Variants in RABGAP1L observed in about 807,000 individuals in gnomAD.
The protein encoded by RABGAP1L is RAB GTPase activating protein 1 like.
Under a neutral mutation model 137.7 loss-of-function variants are expected in RABGAP1L, and 63 were observed. The observed-to-expected ratio is 0.46, with a 90% confidence interval of 0.37 to 0.56. The LOEUF is 0.56. Among genes scored for constraint, RABGAP1L ranks in the 20% least tolerant of loss-of-function variants. The pLI is 0.00. For synonymous variants in RABGAP1L, 431 were observed against 433.7 expected (o/e 0.99, Z 0.08); for missense variants, 1,095 against 1,244.0 (o/e 0.88, Z 1.80).
chr1:174,882,186 T>A (rs895475531), intron 19 of RABGAP1L, among the ~76,000 whole-genome samples: 1 of 152,228 alleles, frequency 6.6e-6, no homozygotes, highest in African/African-American at 2.4e-5. Flanking sequence ...TGCTAACTTA[T>A]AAAATCCTCC....
At chr1:174,446,111 G>A (rs1280505898) in intron 13 of RABGAP1L, among the ~76,000 whole-genome samples, 1 of 152,146 alleles carries the variant, frequency 6.6e-6, no homozygotes, top group East Asian at 1.9e-4. Context: ...GTAGGGCTTG[G>A]GCTCAGGTGG....
At position 174,443,733 on chromosome 1, in the gene RABGAP1L, T is replaced by C. The variant is rs186079295; in HGVS notation, c.1710+49588T>C. ...TGTTTTGTTGCCTGTGCTTTTGAGG[T>C]CTTACTCAAGTAGTCTTTGCCAAAA... On this transcript the variant is annotated intron_variant, in intron 13 of 25. Transcript: ENST00000681986. Among the ~76,000 whole-genome samples the C allele has an allele frequency of 3.3e-5, 5 of 152,192 alleles. No individual in the cohort carries two copies. The East Asian group carries it at 9.7e-4, about 29-fold the overall frequency.
intron 19 of RABGAP1L, among the ~76,000 whole-genome samples, chr1:174,925,354 CAAAAAAA>C (rs545791515): frequency 7.3e-5 from 4 of 54,774 alleles, no homozygotes; most frequent in East Asian, 1.6e-3. Context: ...GACTCCGTCT[CAAAAAAA>C]AAAAAAAAAA....
intron 18 of RABGAP1L, among the ~76,000 whole-genome samples, chr1:174,790,766 A>AGTGTGT (rs113486055): frequency 2.9e-5 from 4 of 137,172 alleles, no homozygotes; most frequent in Non-Finnish European, 6.3e-5. Flanking sequence ...TGAAGCCATG[A>AGTGTGT]GTGTGTGTGT....
At chr1:174,296,610 T>C (rs1677148919) in intron 10 of RABGAP1L, among the ~76,000 whole-genome samples, 1 of 152,234 alleles carries the variant, frequency 6.6e-6, no homozygotes, top group Non-Finnish European at 1.5e-5. Context: ...TTGTAATTTA[T>C]TGAAGGTATT....
intron 11 of RABGAP1L, among the ~76,000 whole-genome samples, chr1:174,352,545 A>G (rs1683290240): frequency 1.3e-5 from 2 of 152,180 alleles, no homozygotes; most frequent in African/African-American, 2.4e-5. Context: ...GAAAGGTCAC[A>G]TATCTCTGTT....
chr1:174,711,219 C>T (rs1279678824), intron 17 of RABGAP1L, among the ~76,000 whole-genome samples: 2 of 152,110 alleles, frequency 1.3e-5, no homozygotes, highest in South Asian at 2.1e-4. Flanking sequence ...CTGCGCCTCT[C>T]CCTCCACACC....
rs116641904 is a variant in RABGAP1L at position 174,560,992 on chromosome 1, G to T, written c.1711-76383G>T. Among the ~76,000 whole-genome samples, 1,372 of 152,252 alleles carry T rather than the reference G, an allele frequency of 9.0e-3. 25 individuals are homozygous for T. Among genetic ancestry groups the T allele is most frequent in the African/African-American group, 0.032 (1,323 of 41,538 alleles). ...ATTTTGCCACAGTGGAGTTACTTAT[G>T]TGTGTAAATAAAATTTAGAGCCAGG... On this transcript the variant is annotated intron_variant, in intron 13 of 25. Transcript: ENST00000681986.
At chr1:174,538,060 A>G (rs1222182445) in intron 13 of RABGAP1L, among the ~76,000 whole-genome samples, 35 of 152,086 alleles carry the variant, frequency 2.3e-4, no homozygotes, top group Admixed American at 2.3e-3. Flanking sequence ...GCTCTCTACA[A>G]TCTGCCCTGA....
At chr1:174,771,285 A>C (rs539822545) in intron 18 of RABGAP1L, among the ~76,000 whole-genome samples, 2 of 152,358 alleles carry the variant, frequency 1.3e-5, no homozygotes, top group Admixed American at 1.3e-4. Context: ...ATAAAGAGAC[A>C]GGGAAGCATG....
rs747335202 is a variant in RABGAP1L at position 174,988,764 on chromosome 1, A to C, written c.2929A>C (p.Lys977Gln). ...ETDDEKDSLK[K>Q]QLREMELELA... is the part of the protein sequence containing the mutation. ...AGATGATGAGAAGGACTCACTTAAG[A>C]AGCAGCTGAGAGAGATGGAACTGGA... The change falls in exon 25 of 26, where the codon AAG becomes CAG. Residue 977 changes from lysine to glutamine, a missense_variant. By Grantham distance (53) the Lys-to-Gln change is moderately conservative (BLOSUM62 1). Transcript: ENST00000681986. The C allele has an allele frequency of 1.6e-4, 247 of 1,550,292 alleles. 1 individual carries two copies. Among genetic ancestry groups the C allele is most frequent in the East Asian group, 2.0e-4 (8 of 40,894 alleles).
At chr1:174,349,361 AC>A (rs368251420) in intron 11 of RABGAP1L, among the ~76,000 whole-genome samples, 7,385 of 61,890 alleles carry the variant, frequency 0.12, 362 homozygotes, top group East Asian at 0.18. Context: ...AGGGGGGCTG[AC>A]CCCCCCCACC....
intron 13 of RABGAP1L, among the ~76,000 whole-genome samples, chr1:174,603,040 T>G (rs112289540): frequency 0.014 from 2,198 of 152,152 alleles, 33 homozygotes; most frequent in South Asian, 0.032. Flanking sequence ...AAGAGTTAGG[T>G]ATTTGTTTTA....
rs1014317624 is a variant in RABGAP1L at position 174,794,778 on chromosome 1, A to G, written c.2212-17054A>G. On this transcript the variant is annotated intron_variant, in intron 18 of 25. Coordinates refer to ENST00000681986, the MANE Select transcript of RABGAP1L (RefSeq NM_001366446.1). ...GTGTGTCACCCCTTTTATAGTGTCC[A>G]TCACACCCTACTTTATCTTTGTATT... Among the ~76,000 whole-genome samples, 16 of 152,170 alleles carry G rather than the reference A, an allele frequency of 1.1e-4. 1 individual carries two copies. The highest frequency in any genetic ancestry group is 1.0e-3 in the Admixed American group (16 of 15,268).
At chr1:174,587,449 TAAATAAAATAAAATA>T (rs57938481) in intron 13 of RABGAP1L, among the ~76,000 whole-genome samples, 2 of 148,048 alleles carry the variant, frequency 1.4e-5, no homozygotes, top group East Asian at 2.0e-4. Context: ...ATAATAATAA[TAAATAAAATAAAATA>T]AAATAAAATA....
chr1:174,238,404 C>G (rs572270891), intron 4 of RABGAP1L, among the ~76,000 whole-genome samples: 56 of 152,190 alleles, frequency 3.7e-4, no homozygotes, highest in Admixed American at 7.9e-4. Context: ...GTGGTTTTAT[C>G]TACTTTTGGT....
chr1:174,838,342 CTACCTG>C, intron 19 of RABGAP1L, among the ~76,000 whole-genome samples: 1 of 152,194 alleles, frequency 6.6e-6, no homozygotes, highest in Non-Finnish European at 1.5e-5. Flanking sequence ...CTAAGGGGTC[CTACCTG>C]TAGCCTCTTG....
chr1:174,224,869 CT>C (rs1434877421), intron 3 of RABGAP1L, among the ~76,000 whole-genome samples: 4 of 151,644 alleles, frequency 2.6e-5, no homozygotes, highest in Non-Finnish European at 5.9e-5. Flanking sequence ...TTTTTCTTTG[CT>C]TTCAGTACTT....
chr1:174,343,617 C>A (rs1009482291), intron 11 of RABGAP1L, among the ~76,000 whole-genome samples: 1 of 152,066 alleles, frequency 6.6e-6, no homozygotes, highest in Non-Finnish European at 1.5e-5. Flanking sequence ...ACTGCTCTTT[C>A]TGTCAGAGAT....
Sources: allele counts gnomAD v4.1 joint callset (sites outside exome capture counted in the v4.1 genomes callset), GRCh38; gene constraint gnomAD v4.1.1; transcripts MANE v1.5; gene names NCBI Gene and HGNC (gene_info 2026-07-23, HGNC 2026-07-21).